The following WWC2 variants were observed in gnomAD, a reference collection of about 807,000 sequenced individuals.
The protein encoded by WWC2 is protein WWC2.
In WWC2, 101 loss-of-function variants were observed where a neutral mutation model predicts 138.5. That is an observed-to-expected ratio of 0.73 (90% CI 0.62 to 0.86). The LOEUF is 0.86. Among genes scored for constraint, WWC2 ranks in the 40% least tolerant of loss-of-function variants. The pLI is 0.00. For synonymous variants in WWC2, 558 were observed against 538.4 expected (o/e 1.04, Z -0.50); for missense variants, 1,420 against 1,419.4 (o/e 1.00, Z -0.01).
At chr4:183,117,490 G>T (rs569221724) in intron 1 of WWC2, among the ~76,000 whole-genome samples, 32 of 152,052 alleles carry the variant, frequency 2.1e-4, no homozygotes, top group South Asian at 1.5e-3. Context: ...CAAAGTGCTG[G>T]GATTACAGGC....
rs1739563542 is a variant in WWC2 at position 183,319,569 on chromosome 4, T to C, written c.*3840T>C. On this transcript the variant is annotated 3_prime_UTR_variant, in exon 23 of 23. Transcript: ENST00000403733. Reference sequence around the variant, plus strand: ...GTCCTTTCTGGCTTAGTGTTTCAGGTTGGTGTTTCTCGTCTCCAGTTCTTG... The same window carrying C: ...GTCCTTTCTGGCTTAGTGTTTCAGGCTGGTGTTTCTCGTCTCCAGTTCTTG... The C allele has an allele frequency of 6.2e-7, 1 of 1,611,318 alleles. No individual in the cohort carries two copies. The highest frequency in any genetic ancestry group is 1.3e-5 in the African/African-American group (1 of 74,788).
At chr4:183,295,520 C>T (rs1447120141) in intron 21 of WWC2, among the ~76,000 whole-genome samples, 1 of 152,192 alleles carries the variant, frequency 6.6e-6, no homozygotes, top group Non-Finnish European at 1.5e-5. Context: ...CCTCAGGGAA[C>T]CCTTGGTCCA....
chr4:183,148,695 A>C (rs181804821), intron 1 of WWC2, among the ~76,000 whole-genome samples: 1 of 152,154 alleles, frequency 6.6e-6, no homozygotes, highest in African/African-American at 2.4e-5. Flanking sequence ...GTTCCTATGC[A>C]ACTTCTGTTC....
At position 183,310,935 on chromosome 4, in the gene WWC2, C is replaced by A. The variant is rs79257644; in HGVS notation, c.3385-1406C>A. On this transcript the variant is annotated intron_variant, in intron 21 of 22. Coordinates refer to ENST00000403733, the MANE Select transcript of WWC2 (RefSeq NM_024949.6). Reference sequence around the variant, plus strand: ...TGAGTACTTTACATATATATGTACTCATTTAAACTTCACAACTTTGAAATA... The same window carrying A: ...TGAGTACTTTACATATATATGTACTAATTTAAACTTCACAACTTTGAAATA... 2.4e-3 allele frequency among the ~76,000 whole-genome samples: 364 copies of A among 150,898 alleles called. 2 individuals are homozygous for A. The highest frequency in any genetic ancestry group is 8.6e-3 in the African/African-American group (352 of 41,102).
At chr4:183,218,598 G>A (rs1444211957) in intron 4 of WWC2, among the ~76,000 whole-genome samples, 2 of 152,304 alleles carry the variant, frequency 1.3e-5, no homozygotes, top group East Asian at 3.9e-4. Context: ...TGCGGCATGG[G>A]CTGACAAACT....
chr4:183,195,013 T>C (rs1334906822), intron 2 of WWC2, among the ~76,000 whole-genome samples: 1 of 152,222 alleles, frequency 6.6e-6, no homozygotes, highest in African/African-American at 2.4e-5. Flanking sequence ...AATGATTGTG[T>C]TTTTAAGTTA....
chr4:183,121,204 CAA>C (rs796207947), intron 1 of WWC2, among the ~76,000 whole-genome samples: 25 of 113,214 alleles, frequency 2.2e-4, no homozygotes, highest in Admixed American at 2.7e-4. Context: ...GACATTATCT[CAA>C]AAAAAAAAAA....
At position 183,316,166 on chromosome 4, in the gene WWC2, CGAG is replaced by C. The variant is rs1260654424; in HGVS notation, c.*441_*443del. 6.1e-6 allele frequency: 1 copy of C among 162,958 alleles called. No homozygotes were observed. The highest frequency in any genetic ancestry group is 1.3e-5 in the Non-Finnish European group (1 of 74,120). 10.1% of individuals were successfully genotyped at this position (162,958 alleles called of 1,614,324 possible). A position where few individuals can be genotyped will look rare whatever the true frequency, so the allele number is the denominator to read the frequency against. The stretch of plus-strand genomic sequence containing the variant: ...GCGCCACGTGGTATCTGTGCGCTGG[CGAG>C]GAGAGGAGCGCTTTCCATTTGGAGG... On this transcript the variant is annotated 3_prime_UTR_variant, in exon 23 of 23. Transcript: ENST00000403733.
At chr4:183,287,753 G>A (rs1738305486) in intron 20 of WWC2, among the ~76,000 whole-genome samples, 3 of 152,196 alleles carry the variant, frequency 2.0e-5, no homozygotes, top group African/African-American at 7.2e-5. Flanking sequence ...TGAGTGATGA[G>A]GTTAGAGGGG....
chr4:183,284,199 C>T (rs1738168648), intron 18 of WWC2, 27 bp from the exon 19 acceptor site: 1 of 1,607,152 alleles, frequency 6.2e-7, no homozygotes, highest in South Asian at 1.1e-5. Flanking sequence ...CTTTCAGCTC[C>T]TGACAAATTG....
At chr4:183,239,324 C>T (rs531069887) in intron 4 of WWC2, among the ~76,000 whole-genome samples, 1 of 151,358 alleles carries the variant, frequency 6.6e-6, no homozygotes. Context: ...AAAAAAAAAA[C>T]AAACAAACAA....
chr4:183,314,995 C>G (rs183387555), intron 22 of WWC2, among the ~76,000 whole-genome samples: 2 of 152,360 alleles, frequency 1.3e-5, no homozygotes, highest in African/African-American at 4.8e-5. Flanking sequence ...CAGCATGCCC[C>G]TTGCATGTAA....
At chr4:183,299,510 T>G (rs576749491) in intron 21 of WWC2, among the ~76,000 whole-genome samples, 34 of 152,320 alleles carry the variant, frequency 2.2e-4, no homozygotes, top group African/African-American at 7.9e-4. Context: ...TGTGGATACA[T>G]AAACTGTTTG....
At chr4:183,138,685 C>T (rs1326424140) in intron 1 of WWC2, among the ~76,000 whole-genome samples, 1 of 152,154 alleles carries the variant, frequency 6.6e-6, no homozygotes, top group Non-Finnish European at 1.5e-5. Context: ...TGAAAGTCTC[C>T]TTTAGGGCCC....
At chr4:183,297,541 C>T (rs1738675664) in intron 21 of WWC2, among the ~76,000 whole-genome samples, 1 of 151,968 alleles carries the variant, frequency 6.6e-6, no homozygotes. Context: ...TCCCAAGTAG[C>T]TGGGACTACA....
intron 2 of WWC2, among the ~76,000 whole-genome samples, chr4:183,204,401 G>A (rs573780302): frequency 5.9e-5 from 9 of 152,302 alleles, no homozygotes; most frequent in Middle Eastern, 6.8e-3. Flanking sequence ...CGAGAGACAT[G>A]AGAGTAAGAG....
Position 183,261,013 on chromosome 4 carries a change from C to G in WWC2, c.1390C>G (p.Leu464Val). The G allele has an allele frequency of 1.2e-6, 2 of 1,614,026 alleles. No homozygotes were observed. Among genetic ancestry groups the G allele is most frequent in the South Asian group, 1.1e-5 (1 of 91,072 alleles). Residue 464 changes from leucine (L) to valine (V), a missense_variant, in exon 11 of 23, where the codon CTC becomes GTC. By Grantham distance (32) the Leu-to-Val change is conservative. Coordinates refer to ENST00000403733, the MANE Select transcript of WWC2 (RefSeq NM_024949.6). ...NTSSRGSLNS[L>V]SSTELYYSSQ... is the part of the protein sequence containing the mutation. ...CTCCAGCAGAGGGTCACTCAACTCC[C>G]TCAGTTCCACCGAACTCTATTACAG...
At chr4:183,101,961 A>G (rs1372790558) in intron 1 of WWC2, among the ~76,000 whole-genome samples, 2 of 152,214 alleles carry the variant, frequency 1.3e-5, no homozygotes, top group Non-Finnish European at 2.9e-5. Flanking sequence ...TTTGTTGAAT[A>G]TTTCTGATTA....
intron 2 of WWC2, among the ~76,000 whole-genome samples, chr4:183,199,497 G>A (rs1735245433): frequency 6.6e-6 from 1 of 152,026 alleles, no homozygotes; most frequent in South Asian, 2.1e-4. Context: ...TTGGAAGGAG[G>A]GATCATGCCC....
Sources: allele counts gnomAD v4.1 joint callset (sites outside exome capture counted in the v4.1 genomes callset), GRCh38; gene constraint gnomAD v4.1.1; transcripts MANE v1.5; gene names NCBI Gene and HGNC (gene_info 2026-07-23, HGNC 2026-07-21).